The following EIF2S2 variants were observed in gnomAD, a reference collection of about 807,000 sequenced individuals.
EIF2S2 encodes the protein eukaryotic translation initiation factor 2 subunit beta, also known as eukaryotic translation initiation factor 2 subunit 2.
Under a neutral mutation model 44.0 loss-of-function variants are expected in EIF2S2, and 4 were observed. The ratio of observed to expected loss-of-function variants is 0.09; its 90% CI spans 0.04 to 0.21. The LOEUF (loss-of-function observed/expected upper bound fraction) is 0.21. Among genes scored for constraint, EIF2S2 ranks in the 10% least tolerant of loss-of-function variants. The probability of loss-of-function intolerance (pLI) is 1.00; values close to 1 mark genes in which losing one functional copy is unlikely to be tolerated. For synonymous variants in EIF2S2, 108 were observed against 128.3 expected, an observed-to-expected ratio of 0.84 and a Z score of 1.07; for missense variants, 154 against 392.0, an observed-to-expected ratio of 0.39 and a Z score of 5.13.
chr20:34,090,055 G>A (rs1324301165), intron 8 of EIF2S2, 150 bp from the exon 9 acceptor site: 1 of 797,180 alleles, frequency 1.3e-6, no homozygotes, highest in Non-Finnish European at 2.0e-6. Context: ...CTATTCGAGG[G>A]GTAAGAAAAC....
At chr20:34,090,237 G>A (rs3765435) in intron 8 of EIF2S2, among the ~76,000 whole-genome samples, 64,377 of 152,156 alleles carry the variant, frequency 0.42, 16,308 homozygotes, top group South Asian at 0.62. Context: ...AGGGGGCCAA[G>A]GCCAGGCCTG....
chr20:34,103,355 A>C (rs1194445730), intron 3 of EIF2S2, 107 bp downstream of exon 3: 2 of 1,409,984 alleles, frequency 1.4e-6, no homozygotes, highest in Non-Finnish European at 9.4e-7. Context: ...TTAAGTGCTA[A>C]TAACAAAAGC....
At chr20:34,093,852 CATTT>C (rs1335623891) in intron 6 of EIF2S2, 121 bp from the exon 7 acceptor site, 14 of 820,908 alleles carry the variant, frequency 1.7e-5, no homozygotes, top group East Asian at 2.8e-5. Flanking sequence ...TTCACTGCAC[CATTT>C]ATTTAAACTT....
intron 1 of EIF2S2, among the ~76,000 whole-genome samples, chr20:34,107,377 G>C (rs140096293): frequency 1.4e-4 from 21 of 152,252 alleles, no homozygotes; most frequent in African/African-American, 4.8e-4. Context: ...GAGCCCATCT[G>C]ACTAGATTTA....
chr20:34,095,310 C>CTTTTTTTTTTTTTTTTTT (rs148341160), intron 6 of EIF2S2, among the ~76,000 whole-genome samples: 1 of 123,922 alleles, frequency 8.1e-6, no homozygotes, highest in African/African-American at 2.8e-5. Context: ...TTAGCTACCT[C>CTTTTTTTTTTTTTTTTTT]TTTTTTTTTT....
intron 1 of EIF2S2, among the ~76,000 whole-genome samples, chr20:34,109,196 T>G (rs2034383104): frequency 6.6e-6 from 1 of 152,152 alleles, no homozygotes; most frequent in Non-Finnish European, 1.5e-5. Context: ...ATTTAAAGCT[T>G]CTTTTTGCAA....
chr20:34,112,116 C>T lies in EIF2S2; in HGVS notation c.-6G>A. 6.4e-7 allele frequency: 1 copy of T among 1,557,732 alleles called. No homozygotes were observed. The highest frequency in any genetic ancestry group is 1.2e-5 in the South Asian group (1 of 84,436). ...CTCACCTCGTCCCCAGACATGGCTG[C>T]GGCTCGAGTGGGCTCGGCACGGACG... is the stretch of plus-strand genomic sequence containing the variant. On this transcript the variant is annotated 5_prime_UTR_variant, in exon 1 of 9. Transcript: ENST00000374980.
Position 34,112,203 on chromosome 20 carries a change from C to T in EIF2S2, c.-93G>A. The T allele has an allele frequency of 7.4e-7, 1 of 1,354,886 alleles. No homozygotes were observed. Among genetic ancestry groups the T allele is most frequent in the Non-Finnish European group, 9.9e-7 (1 of 1,007,060 alleles). 83.9% of individuals were successfully genotyped at this position (1,354,886 alleles called of 1,614,324 possible). A position where few individuals can be genotyped will look rare whatever the true frequency, so the allele number is the denominator to read the frequency against. The stretch of plus-strand genomic sequence containing the variant: ...GCGCTGCCCCTGCCGATACCTCTCC[C>T]ACCACCGCACTAGGCTCTTGCATCA... On this transcript the variant is annotated 5_prime_UTR_variant, in exon 1 of 9. Coordinates refer to ENST00000374980, the MANE Select transcript of EIF2S2 (RefSeq NM_003908.5).
chr20:34,090,670 TTTAAAC>T, intron 7 of EIF2S2, 68 bp from the exon 8 acceptor site: 3 of 892,968 alleles, frequency 3.4e-6, no homozygotes, highest in Non-Finnish European at 3.4e-6. Flanking sequence ...TTCCAGCACC[TTTAAAC>T]TTAATGAACT....
At position 34,098,582 on chromosome 20, in the gene EIF2S2, G is replaced by C. The variant is rs779742992; in HGVS notation, c.349C>G (p.Leu117Val). 27 of 1,613,744 alleles carry C rather than the reference G, an allele frequency of 1.7e-5. 1 individual carries two copies. The Admixed American group carries it at 4.5e-4, about 27-fold the overall frequency. ...TTTTTATTGCCAAGCATAATGTCAAGGTCATCCTCTGGTTCAGTTGGTTCT... is the reference window on the plus strand; with the variant it reads ...TTTTTATTGCCAAGCATAATGTCAACGTCATCCTCTGGTTCAGTTGGTTCT... ...VQEPTEPEDDLDIMLGNKKKK... is the reference protein window; with the variant it reads ...VQEPTEPEDDVDIMLGNKKKK... The change falls in exon 4 of 9, where the codon CTT becomes GTT. Residue 117 changes from leucine (L) to valine (V), a missense_variant. Coordinates refer to ENST00000374980, the MANE Select transcript of EIF2S2 (RefSeq NM_003908.5).
chr20:34,104,439 G>C (rs1234399699), intron 2 of EIF2S2, among the ~76,000 whole-genome samples: 2 of 152,082 alleles, frequency 1.3e-5, no homozygotes, highest in Admixed American at 1.3e-4. Context: ...CTCCAACTGA[G>C]GTACTTATTA....
intron 1 of EIF2S2, among the ~76,000 whole-genome samples, chr20:34,111,557 T>C (rs573506811): frequency 3.7e-4 from 56 of 152,248 alleles, no homozygotes; most frequent in African/African-American, 1.3e-3. Flanking sequence ...TGCAGAATCT[T>C]TTTCTCTCGT....
chr20:34,101,085 A>C (rs1318898172), intron 3 of EIF2S2, among the ~76,000 whole-genome samples: 1 of 152,238 alleles, frequency 6.6e-6, no homozygotes, highest in Non-Finnish European at 1.5e-5. Context: ...AGCTGGGAGT[A>C]AATAAAGCTC....
intron 1 of EIF2S2, among the ~76,000 whole-genome samples, chr20:34,109,516 C>A (rs896090547): frequency 6.6e-6 from 1 of 151,888 alleles, no homozygotes; most frequent in Non-Finnish European, 1.5e-5. Context: ...AAAAAATTAG[C>A]GGGTGCAAGA....
intron 6 of EIF2S2, among the ~76,000 whole-genome samples, chr20:34,095,285 T>A (rs191790286): frequency 5.3e-5 from 8 of 151,376 alleles, no homozygotes; most frequent in Non-Finnish European, 2.9e-5. Context: ...CAGAAAAATA[T>A]TAAACTATGA....
intron 5 of EIF2S2, among the ~76,000 whole-genome samples, chr20:34,097,197 C>G (rs1220144549): frequency 1.3e-5 from 2 of 152,238 alleles, no homozygotes; most frequent in Non-Finnish European, 2.9e-5. Flanking sequence ...TCCACAAATT[C>G]AGGTGGGGAC....
intron 6 of EIF2S2, among the ~76,000 whole-genome samples, chr20:34,095,219 T>C (rs1186774741): frequency 2.0e-5 from 3 of 152,060 alleles, no homozygotes; most frequent in Non-Finnish European, 2.9e-5. Flanking sequence ...GAAAATAGGT[T>C]AAAAACCAGT....
At chr20:34,091,397 A>ATTAAGTTTAATATGTATACATATTAAGT (rs2034160743) in intron 7 of EIF2S2, among the ~76,000 whole-genome samples, 3 of 152,222 alleles carry the variant, frequency 2.0e-5, no homozygotes, top group Non-Finnish European at 2.9e-5. Flanking sequence ...AGTTATACAT[A>ATTAAGTTTAATATGTATACATATTAAGT]TTAAGTTTAA....
chr20:34,096,012 T>C (rs776591233), intron 6 of EIF2S2, among the ~76,000 whole-genome samples: 1 of 152,170 alleles, frequency 6.6e-6, no homozygotes, highest in African/African-American at 2.4e-5. Flanking sequence ...ATCTCATCAA[T>C]TGTGTCCTGG....
Sources: gnomAD v4.1 joint callset for allele counts (sites outside exome capture counted in the v4.1 genomes callset) on GRCh38, gnomAD v4.1.1 for gene constraint, MANE v1.5 for transcripts, NCBI Gene and HGNC (gene_info 2026-07-23, HGNC 2026-07-21) for gene names.